TPCN1: variants seen among roughly 807,000 people sequenced by gnomAD.
TPCN1 encodes the protein two pore segment channel 1.
Under a neutral mutation model 108.8 loss-of-function variants are expected in TPCN1, and 52 were observed. The ratio of observed to expected loss-of-function variants is 0.48; its 90% CI spans 0.38 to 0.60. The LOEUF (loss-of-function observed/expected upper bound fraction) is 0.60. Among genes scored for constraint, TPCN1 ranks in the 20% least tolerant of loss-of-function variants. TPCN1 has a pLI of 0.00. For synonymous variants in TPCN1, 446 were observed against 433.7 expected (o/e 1.03, Z -0.35); for missense variants, 806 against 1,072.8 (o/e 0.75, Z 3.47).
At chr12:113,290,383 G>A (rs1956227458) in intron 22 of TPCN1, 140 bp downstream of exon 22, 1 of 650,644 alleles carries the variant, frequency 1.5e-6, no homozygotes, top group Non-Finnish European at 2.7e-6. Flanking sequence ...TGGAGGACTT[G>A]GTCTGCCCAG....
intron 2 of TPCN1, among the ~76,000 whole-genome samples, chr12:113,235,382 C>T (rs16942652): frequency 0.015 from 2,306 of 152,056 alleles, 43 homozygotes; most frequent in African/African-American, 0.051. Flanking sequence ...AACTTTAGAC[C>T]GCTACTGTTT....
Position 113,284,521 on chromosome 12 carries a change from C to T in TPCN1, c.1343-60C>T, listed in dbSNP as rs989795676. Reference sequence around the variant, plus strand: ...AGTTAACCAGGGACTTCAGCTGCGACCTGCAGATTTCTAAGCCCCCCTGTT... The same window carrying T: ...AGTTAACCAGGGACTTCAGCTGCGATCTGCAGATTTCTAAGCCCCCCTGTT... On this transcript the variant is annotated intron_variant, in intron 15 of 27. Transcript: ENST00000335509. This position sits in a 1 kb window ranked among gnomAD's most constrained non-coding sequence, Gnocchi z 4.1. 1 of 1,596,546 alleles carries T rather than the reference C, an allele frequency of 6.3e-7. No homozygotes were observed. Among genetic ancestry groups the T allele is most frequent in the African/African-American group, 1.3e-5 (1 of 74,518 alleles).
intron 14 of TPCN1, among the ~76,000 whole-genome samples, chr12:113,279,288 A>G (rs1593183036): frequency 7.0e-6 from 1 of 141,858 alleles, no homozygotes; most frequent in East Asian, 2.1e-4. Context: ...TTCATCCAAT[A>G]ACACATATGT....
Position 113,266,357 on chromosome 12 carries a change from G to A in TPCN1, c.414+1G>A. On this transcript the variant is annotated splice_donor_variant, in intron 4 of 27. Coordinates refer to ENST00000335509, the MANE Select transcript of TPCN1 (RefSeq NM_017901.6). LOFTEE classifies it high-confidence loss of function. This position sits in a 1 kb window ranked among gnomAD's most constrained non-coding sequence, Gnocchi z 4.2. ...CCCCGCACTCCGGCTTGGCATCTAT[G>A]TGAGCGCACATGCTCCTCATACGGG... 1.2e-6 allele frequency: 2 copies of A among 1,605,610 alleles called. No homozygotes were observed. Among genetic ancestry groups the A allele is most frequent in the South Asian group, 1.1e-5 (1 of 91,060 alleles).
At chr12:113,278,929 G>T in intron 14 of TPCN1, 94 bp downstream of exon 14, 1 of 1,078,706 alleles carries the variant, frequency 9.3e-7, no homozygotes, top group Non-Finnish European at 1.4e-6. Context: ...GGTTCAGAGG[G>T]GTGTGTGTGT....
chr12:113,241,366 G>A (rs1954116272), intron 2 of TPCN1, among the ~76,000 whole-genome samples: 1 of 152,254 alleles, frequency 6.6e-6, no homozygotes, highest in South Asian at 2.1e-4. Flanking sequence ...AGCAGCAGCA[G>A]CAGCAGATCC....
chr12:113,250,333 T>G lies in TPCN1; in HGVS notation c.113-10035T>G, dbSNP rs1196377450. On this transcript the variant is annotated intron_variant, in intron 2 of 27. Transcript: ENST00000335509. ...TCTGCACCCACCTGCCTGCTCCCCT[T>G]GAAGTCACCATATACCTGTAAACAT... Among the ~76,000 whole-genome samples, 49 of 152,348 alleles carry G rather than the reference T, an allele frequency of 3.2e-4. 1 individual carries two copies.
chr12:113,289,241 T>C lies in TPCN1; in HGVS notation c.1796+394T>C, dbSNP rs1430618304. Among the ~76,000 whole-genome samples, 1 of 152,176 alleles carries C rather than the reference T, an allele frequency of 6.6e-6. No individual in the cohort carries two copies. The highest frequency in any genetic ancestry group is 1.5e-5 in the Non-Finnish European group (1 of 68,020). ...AGACAGACGGACACGTGCAGGAAGG[T>C]CATGGTGCTCAGGGATGGGGAGCAG... On this transcript the variant is annotated intron_variant, in intron 21 of 27. Coordinates refer to ENST00000335509, the MANE Select transcript of TPCN1 (RefSeq NM_017901.6). The surrounding 1 kb of genome is among the most constrained non-coding windows in gnomAD (Gnocchi z 4.1).
intron 2 of TPCN1, among the ~76,000 whole-genome samples, chr12:113,258,468 A>G (rs1445542415): frequency 6.6e-6 from 1 of 152,006 alleles, no homozygotes; most frequent in East Asian, 1.9e-4. Flanking sequence ...TCCATCTCAA[A>G]AAAAGGAAGA....
intron 25 of TPCN1, 96 bp downstream of exon 25, chr12:113,292,054 T>C (rs754261350): frequency 3.2e-5 from 33 of 1,022,206 alleles, no homozygotes; most frequent in Non-Finnish European, 4.8e-5. Context: ...CATCAGGCTG[T>C]CATTTTTCTG....
intron 15 of TPCN1, among the ~76,000 whole-genome samples, chr12:113,282,643 C>T (rs1158737252): frequency 6.6e-6 from 1 of 151,594 alleles, no homozygotes; most frequent in African/African-American, 2.4e-5. Flanking sequence ...GTAGTCCCAG[C>T]TACTTGGGAG....
intron 2 of TPCN1, among the ~76,000 whole-genome samples, chr12:113,248,812 AC>A (rs1047220901): frequency 3.9e-5 from 6 of 152,172 alleles, no homozygotes; most frequent in Non-Finnish European, 7.3e-5. Flanking sequence ...CAAAAAAGTT[AC>A]CTAAAAACAC....
intron 2 of TPCN1, among the ~76,000 whole-genome samples, chr12:113,254,014 T>C (rs1443991743): frequency 6.6e-6 from 1 of 152,232 alleles, no homozygotes; most frequent in Admixed American, 6.5e-5. Context: ...TCTGCTCTGG[T>C]GGCAAGCTGC....
In TPCN1 at chr12:113,278,237, G is replaced by A. The variant is rs1395253924; in HGVS notation, c.1233G>A (p.Lys411=). Residue 411 remains lysine, a splice_region_variant and synonymous_variant, in exon 13 of 28, where the codon AAG becomes AAA. Transcript: ENST00000335509. ...ACGAAGTTGCTGCTTTGAAGTGGAAGGTGAGTTCTTCTCTGAGACCATAGA... is the reference window on the plus strand; with the variant it reads ...ACGAAGTTGCTGCTTTGAAGTGGAAAGTGAGTTCTTCTCTGAGACCATAGA... ...DIYEVAALKW[K]AKKNREHWFD... is the part of the protein sequence containing the mutation. 6 of 1,613,654 alleles carry A rather than the reference G, an allele frequency of 3.7e-6. No homozygotes were observed. The highest frequency in any genetic ancestry group is 5.1e-6 in the Non-Finnish European group (6 of 1,179,790).
chr12:113,280,888 AT>A (rs1437562067), intron 15 of TPCN1, among the ~76,000 whole-genome samples: 5 of 152,058 alleles, frequency 3.3e-5, no homozygotes, highest in African/African-American at 1.2e-4. Flanking sequence ...TGGGTTGGTC[AT>A]TGTTTCTAGG....
At position 113,266,143 on chromosome 12, in the gene TPCN1, C is replaced by G. The variant is rs1380629875; in HGVS notation, c.238-37C>G. On this transcript the variant is annotated intron_variant, in intron 3 of 27. Transcript: ENST00000335509. The surrounding 1 kb of genome is among the most constrained non-coding windows in gnomAD (Gnocchi z 4.2). ...CTCCTCTTTGGCGTTGGATGGGTCT[C>G]CAGGCTTACATGCCCACACTACTCT... is the stretch of plus-strand genomic sequence containing the variant. The G allele has an allele frequency of 6.2e-7, 1 of 1,609,410 alleles. No individual in the cohort carries two copies. Among genetic ancestry groups the G allele is most frequent in the Admixed American group, 1.7e-5 (1 of 59,780 alleles).
chr12:113,239,085 G>A (rs748882069), intron 2 of TPCN1, among the ~76,000 whole-genome samples: 1 of 152,182 alleles, frequency 6.6e-6, no homozygotes, highest in Non-Finnish European at 1.5e-5. Context: ...AGTGAGCCAT[G>A]ATCACACTAC....
In TPCN1 at chr12:113,288,138, G is replaced by A; in HGVS notation, c.1635-25G>A. 2.5e-6 allele frequency: 4 copies of A among 1,604,076 alleles called. No homozygotes were observed. The highest frequency in any genetic ancestry group is 2.6e-6 in the Non-Finnish European group (3 of 1,173,224). On this transcript the variant is annotated intron_variant, in intron 19 of 27. Coordinates refer to ENST00000335509, the MANE Select transcript of TPCN1 (RefSeq NM_017901.6). The surrounding 1 kb of genome is among the most constrained non-coding windows in gnomAD (Gnocchi z 4.8). ...GCTGAGGCGTGCACCTGTGTGTGGA[G>A]GTGACGGGTGTCCTCCTCGCTCAGG...
intron 2 of TPCN1, among the ~76,000 whole-genome samples, chr12:113,239,751 A>G (rs964410787): frequency 2.0e-5 from 3 of 152,138 alleles, no homozygotes; most frequent in African/African-American, 4.8e-5. Flanking sequence ...GAGCCCACAC[A>G]TGTCCAATCC....
Sources: allele counts gnomAD v4.1 joint callset (sites outside exome capture counted in the v4.1 genomes callset), GRCh38; gene constraint gnomAD v4.1.1; non-coding constraint Gnocchi (gnomAD v3.1); transcripts MANE v1.5; gene names NCBI Gene and HGNC (gene_info 2026-07-23, HGNC 2026-07-21).